FAM151A: variants seen among roughly 807,000 people sequenced by gnomAD.
FAM151A encodes the protein family with sequence similarity 151 member A.
Under a neutral mutation model 40.4 loss-of-function variants are expected in FAM151A, and 41 were observed. The observed-to-expected ratio is 1.01, with a 90% confidence interval of 0.79 to 1.32. FAM151A has a LOEUF of 1.32. Among genes scored for constraint, FAM151A ranks in the 40% most tolerant of loss-of-function variants. The pLI is 0.00. For missense variants in FAM151A, 740 were observed against 740.4 expected, an observed-to-expected ratio of 1.00 and a Z score of 0.01; for synonymous variants, 337 against 312.5, an observed-to-expected ratio of 1.08 and a Z score of -0.83.
At chr1:54,623,059 C>A (rs1350970378) in intron 1 of FAM151A, among the ~76,000 whole-genome samples, 1 of 151,880 alleles carries the variant, frequency 6.6e-6, no homozygotes, top group African/African-American at 2.4e-5. Flanking sequence ...GCCTGTAATC[C>A]CAGCTACTCG....
chr1:54,611,880 C>T (rs1644122586), intron 5 of FAM151A, 135 bp from the exon 6 acceptor site: 1 of 984,634 alleles, frequency 1.0e-6, no homozygotes, highest in Non-Finnish European at 1.5e-6. Flanking sequence ...TGCCACTTCT[C>T]CCTGAGTCCT....
rs1269145693 is a variant in FAM151A, at chr1:54,619,882, T to C, written c.244A>G (p.Met82Val). The change falls in exon 2 of 8, where the codon ATG (methionine) becomes GTG (valine). Residue 82 changes from methionine to valine, a missense_variant. Transcript: ENST00000302250. ...WYHAANSKKA[M>V]TAALNSNITV... ...GACTTACTGTTCAGGGCAGCTGTCA[T>C]GGCTTTCTTGCTGTTGGCTGCGTGG... 1 of 1,614,126 alleles carries C rather than the reference T, an allele frequency of 6.2e-7. No individual in the cohort carries two copies. The highest frequency in any genetic ancestry group is 8.5e-7 in the Non-Finnish European group (1 of 1,180,034).
intron 2 of FAM151A, among the ~76,000 whole-genome samples, chr1:54,618,285 C>G (rs559071706): frequency 5.9e-5 from 9 of 152,236 alleles, no homozygotes; most frequent in Admixed American, 1.3e-4. Flanking sequence ...GGGCGGATCA[C>G]TTGAGTTTAG....
chr1:54,616,237 T>C (rs1403237468), intron 2 of FAM151A, 65 bp from the exon 3 acceptor site: 1 of 1,389,334 alleles, frequency 7.2e-7, no homozygotes, highest in Non-Finnish European at 9.9e-7. Flanking sequence ...TTTCTCATCA[T>C]AAAAGCATTA....
At chr1:54,621,575 T>C (rs41297143) in intron 1 of FAM151A, 2,355 of 152,364 alleles carry the variant, frequency 0.015, 31 homozygotes, top group South Asian at 0.022. Flanking sequence ...CTGAGGGCAG[T>C]GAGCGAGGGT....
Position 54,609,456 on chromosome 1 carries a change from C to T in FAM151A, c.1570G>A (p.Ala524Thr). ...GAGGATGCCAGCAGCCTGCCTATGG[C>T]TCCAGCTGTGCTGTGGCCCAGCAGC... ...AMLLGHSTAG[A>T]IGRLLASSPR... Residue 524 changes from alanine (A) to threonine (T), a missense_variant, in exon 8 of 8, where the codon GCC becomes ACC. Physicochemically the swap from Ala to Thr is moderately conservative, Grantham distance 58 (BLOSUM62 0). Transcript: ENST00000302250. 6.2e-7 allele frequency: 1 copy of T among 1,613,652 alleles called. No homozygotes were observed. Among genetic ancestry groups the T allele is most frequent in the African/African-American group, 1.3e-5 (1 of 75,010 alleles).
At position 54,609,218 on chromosome 1, in the gene FAM151A, C is replaced by T; in HGVS notation, c.*50G>A. The T allele has an allele frequency of 6.3e-7, 1 of 1,589,958 alleles. No individual in the cohort carries two copies. The highest frequency in any genetic ancestry group is 8.6e-7 in the Non-Finnish European group (1 of 1,166,684). On this transcript the variant is annotated 3_prime_UTR_variant, in exon 8 of 8. Transcript: ENST00000302250. ...AAGACCTTTATTTCTTCCTGCCTCC[C>T]CGTGGGAAGCCTCCGCCCTGAGGTC...
intron 4 of FAM151A, among the ~76,000 whole-genome samples, chr1:54,614,459 A>T (rs768474831): frequency 2.6e-5 from 4 of 152,072 alleles, no homozygotes; most frequent in African/African-American, 9.7e-5. Context: ...GCCCAGAGGA[A>T]GTCCTGCAGT....
chr1:54,617,769 G>T (rs1472657414), intron 2 of FAM151A, among the ~76,000 whole-genome samples: 1 of 127,020 alleles, frequency 7.9e-6, no homozygotes. Flanking sequence ...TGTTGCCCAG[G>T]CTGGAGTGCT....
Position 54,610,453 on chromosome 1 carries a change from T to C in FAM151A, c.1043A>G (p.Asp348Gly). The change falls in exon 7 of 8, where the codon GAC becomes GGC. Residue 348 changes from aspartate (D) to glycine (G), a missense_variant. Transcript: ENST00000302250. ...DGLNVEWLVPDVQGSGKTATM... is the reference protein window; with the variant it reads ...DGLNVEWLVPGVQGSGKTATM... Reference sequence around the variant, plus strand: ...TGCTGTTTTACCGCTGCCCTGGACGTCAGGAACCAGCCACTCCACATTCAG... The same window carrying C: ...TGCTGTTTTACCGCTGCCCTGGACGCCAGGAACCAGCCACTCCACATTCAG... 1.9e-6 allele frequency: 3 copies of C among 1,613,310 alleles called. No homozygotes were observed. The highest frequency in any genetic ancestry group is 2.5e-6 in the Non-Finnish European group (3 of 1,179,582).
chr1:54,617,542 T>A (rs1207914317), intron 2 of FAM151A, among the ~76,000 whole-genome samples: 3 of 151,462 alleles, frequency 2.0e-5, no homozygotes, highest in Non-Finnish European at 4.4e-5. Flanking sequence ...GTCTTCGTGG[T>A]CTGTACAATC....
intron 2 of FAM151A, among the ~76,000 whole-genome samples, chr1:54,618,857 T>C (rs1644200974): frequency 6.6e-6 from 1 of 152,230 alleles, no homozygotes; most frequent in African/African-American, 2.4e-5. Context: ...TTTTTGCCTG[T>C]TTCCTCATCT....
Position 54,616,152 on chromosome 1 carries a change from C to T in FAM151A, c.283G>A (p.Ala95Thr). 6.2e-7 allele frequency: 1 copy of T among 1,614,132 alleles called. No homozygotes were observed. Residue 95 changes from alanine to threonine, a missense_variant, in exon 3 of 8, where the codon GCT (alanine) becomes ACT (threonine). Coordinates refer to ENST00000302250, the MANE Select transcript of FAM151A (RefSeq NM_176782.3). ...ALNSNITVLE[A>T]DVNVEGLGTA... is the part of the protein sequence containing the mutation. ...CCGAGCCCTTCTACATTGACGTCAG[C>T]CTCCAGGACTGTGATGTTGCCTGTG... is the stretch of plus-strand genomic sequence containing the variant.
chr1:54,623,430 G>A lies in FAM151A; in HGVS notation c.-35C>T, dbSNP rs929621737. Reference sequence around the variant, plus strand: ...CTCTGGGGAATGCCCCCAACTCCGTGCGGCCCAGAGTCCCTGAGGCTCCCT... The same window carrying A: ...CTCTGGGGAATGCCCCCAACTCCGTACGGCCCAGAGTCCCTGAGGCTCCCT... On this transcript the variant is annotated 5_prime_UTR_variant, in exon 1 of 8. Transcript: ENST00000302250. 3.3e-6 allele frequency: 5 copies of A among 1,527,430 alleles called. No individual in the cohort carries two copies. Among genetic ancestry groups the A allele is most frequent in the Non-Finnish European group, 4.5e-6 (5 of 1,103,264 alleles). The allele number at this position is 1,527,430 out of a possible 1,614,324, so 94.6% of individuals were successfully genotyped here. A position where few individuals can be genotyped will look rare whatever the true frequency, so the allele number is the denominator to read the frequency against.
chr1:54,620,084 C>A, intron 1 of FAM151A, 77 bp from the exon 2 acceptor site: 1 of 1,467,826 alleles, frequency 6.8e-7, no homozygotes, highest in Admixed American at 1.9e-5. Context: ...TCCCATGACC[C>A]TCCCTGGGCT....
rs772185563 is a variant in FAM151A, at chr1:54,609,348, C to G, written c.1678G>C (p.Ala560Pro). ...TAGTAGACTCGGGTCCTGTCCACAG[C>G]CCTAGCTGCCAGCAATGCTGTCCTC... ...SVRTALLAAR[A>P]VDRTRVYYRL... The change falls in exon 8 of 8, where the codon GCT (alanine) becomes CCT (proline). Residue 560 changes from alanine to proline, a missense_variant. Coordinates refer to ENST00000302250, the MANE Select transcript of FAM151A (RefSeq NM_176782.3). The G allele has an allele frequency of 6.2e-7, 1 of 1,614,192 alleles. No individual in the cohort carries two copies. The highest frequency in any genetic ancestry group is 8.5e-7 in the Non-Finnish European group (1 of 1,180,020).
At chr1:54,615,957 T>C (rs1232298505) in intron 3 of FAM151A, 63 bp downstream of exon 3, 5 of 1,563,408 alleles carry the variant, frequency 3.2e-6, no homozygotes, top group Non-Finnish European at 4.4e-6. Flanking sequence ...GAGGGATCTC[T>C]GCACATGCTG....
intron 4 of FAM151A, among the ~76,000 whole-genome samples, chr1:54,613,480 G>T (rs1256689178): frequency 1.3e-5 from 2 of 150,858 alleles, no homozygotes; most frequent in South Asian, 2.1e-4. Context: ...TCTATACGTG[G>T]TCTCGCTGTG....
intron 7 of FAM151A, 131 bp from the exon 8 acceptor site, chr1:54,610,072 A>G (rs1455822150): frequency 3.5e-6 from 5 of 1,438,142 alleles, no homozygotes; most frequent in Non-Finnish European, 3.6e-6. Context: ...CTGTCAACCC[A>G]GTTTTGGGCT....
Sources: allele counts gnomAD v4.1 joint callset (sites outside exome capture counted in the v4.1 genomes callset), GRCh38; gene constraint gnomAD v4.1.1; transcripts MANE v1.5; gene names NCBI Gene and HGNC (gene_info 2026-07-23, HGNC 2026-07-21).